The following GPATCH2 variants were observed in gnomAD, a reference collection of about 807,000 sequenced individuals.
The protein encoded by GPATCH2 is G-patch domain containing 2.
In GPATCH2, 51 loss-of-function variants were observed where a neutral mutation model predicts 58.0. The observed-to-expected ratio is 0.88, with a 90% CI of 0.70 to 1.11. GPATCH2 has a LOEUF of 1.11. Among genes scored for constraint, GPATCH2 ranks in the 50% most tolerant of loss-of-function variants. The pLI is 0.00. For synonymous variants in GPATCH2, 222 were observed against 218.5 expected (o/e 1.02, Z -0.14); for missense variants, 625 against 652.2 (o/e 0.96, Z 0.45).
intron 5 of GPATCH2, among the ~76,000 whole-genome samples, chr1:217,522,925 T>C (rs995053994): frequency 6.6e-6 from 1 of 151,810 alleles, no homozygotes; most frequent in Admixed American, 6.6e-5. Flanking sequence ...AGACTGAATT[T>C]AAAAACTTGA....
At chr1:217,617,365 C>G (rs1462747356) in intron 2 of GPATCH2, among the ~76,000 whole-genome samples, 1 of 152,176 alleles carries the variant, frequency 6.6e-6, no homozygotes, top group Non-Finnish European at 1.5e-5. Flanking sequence ...GTTCCCTTAG[C>G]AAGTCTTCCC....
intron 6 of GPATCH2, among the ~76,000 whole-genome samples, chr1:217,509,741 C>T (rs949067346): frequency 3.3e-5 from 5 of 152,084 alleles, no homozygotes; most frequent in East Asian, 1.9e-4. Flanking sequence ...TTGAGTGTAA[C>T]GCATTGTGAT....
Position 217,518,206 on chromosome 1 carries a change from T to C in GPATCH2, c.1099-3317A>G, listed in dbSNP as rs1284325396. Among the ~76,000 whole-genome samples the C allele has an allele frequency of 9.2e-5, 14 of 152,174 alleles. No homozygotes were observed. The East Asian group carries it at 2.7e-3, about 29-fold the overall frequency. On this transcript the variant is annotated intron_variant, in intron 5 of 9. Coordinates refer to ENST00000366935, the MANE Select transcript of GPATCH2 (RefSeq NM_018040.5). ...TGTGTCCTAATTCTAAAAGATCACA[T>C]GGATCTTAGATTTTGCTGTTGTTTA...
intron 8 of GPATCH2, among the ~76,000 whole-genome samples, chr1:217,466,466 C>CCCTCTG (rs1244845916): frequency 1.3e-5 from 2 of 152,098 alleles, no homozygotes; most frequent in Non-Finnish European, 2.9e-5. Flanking sequence ...CTCAAGCTAT[C>CCCTCTG]CCTCTGCCTC....
At chr1:217,603,769 C>T (rs1415949609) in intron 5 of GPATCH2, among the ~76,000 whole-genome samples, 1 of 151,888 alleles carries the variant, frequency 6.6e-6, no homozygotes, top group Non-Finnish European at 1.5e-5. Flanking sequence ...ATTACAGGCA[C>T]ATATCACCAT....
At chr1:217,449,044 G>C (rs1233312574) in intron 9 of GPATCH2, among the ~76,000 whole-genome samples, 1 of 151,468 alleles carries the variant, frequency 6.6e-6, no homozygotes, top group Non-Finnish European at 1.5e-5. Flanking sequence ...CATTTGGGCA[G>C]GGATGTAACA....
In GPATCH2 at chr1:217,491,738, T is replaced by C; in HGVS notation, c.1219A>G (p.Arg407Gly). 2.1e-6 allele frequency: 3 copies of C among 1,427,634 alleles called. No homozygotes were observed. Among genetic ancestry groups the C allele is most frequent in the South Asian group, 1.2e-5 (1 of 83,154 alleles). 88.4% of individuals were successfully genotyped at this position (1,427,634 alleles called of 1,614,324 possible). A position where few individuals can be genotyped will look rare whatever the true frequency, so the allele number is the denominator to read the frequency against. The change falls in exon 8 of 10, where the codon AGA (arginine) becomes GGA (glycine). Residue 407 changes from arginine (R) to glycine (G), a missense_variant. Transcript: ENST00000366935. ...TGTCCTCTTTCAGCTCGATTATCTCTCAGAAGCTGATGCTACACAAAGTGT... is the reference window on the plus strand; with the variant it reads ...TGTCCTCTTTCAGCTCGATTATCTCCCAGAAGCTGATGCTACACAAAGTGT... Reference protein sequence around the residue: ...RTEHDQHQLLRDNRAERGHKK... With the variant: ...RTEHDQHQLLGDNRAERGHKK...
intron 7 of GPATCH2, among the ~76,000 whole-genome samples, chr1:217,493,672 C>T (rs1420016830): frequency 2.0e-5 from 3 of 152,008 alleles, no homozygotes; most frequent in Admixed American, 1.3e-4. Flanking sequence ...AGAAACACTT[C>T]GTACCATGAA....
At chr1:217,592,151 C>T (rs964654933) in intron 5 of GPATCH2, among the ~76,000 whole-genome samples, 14 of 151,902 alleles carry the variant, frequency 9.2e-5, no homozygotes, top group Non-Finnish European at 2.9e-5. Context: ...AATTCTACTC[C>T]GTCTATTCTG....
intron 8 of GPATCH2, among the ~76,000 whole-genome samples, chr1:217,453,364 A>G (rs555312908): frequency 6.6e-6 from 1 of 152,358 alleles, no homozygotes; most frequent in South Asian, 2.1e-4. Context: ...GAGGAAGAGA[A>G]GGGAGACAAA....
chr1:217,515,215 C>G (rs1386645999), intron 5 of GPATCH2, among the ~76,000 whole-genome samples: 2 of 151,888 alleles, frequency 1.3e-5, no homozygotes, highest in Non-Finnish European at 2.9e-5. Flanking sequence ...CCTGTCTCAG[C>G]CTCCCCAGTA....
At chr1:217,603,974 A>C (rs1265533904) in intron 5 of GPATCH2, among the ~76,000 whole-genome samples, 2 of 152,108 alleles carry the variant, frequency 1.3e-5, no homozygotes, top group African/African-American at 4.8e-5. Context: ...TCTTTTGTAA[A>C]AGAAATATTT....
chr1:217,508,043 T>G (rs548910106), intron 6 of GPATCH2, among the ~76,000 whole-genome samples: 1 of 152,208 alleles, frequency 6.6e-6, no homozygotes, highest in Non-Finnish European at 1.5e-5. Flanking sequence ...TTAATAATAT[T>G]TCTGTATTTT....
intron 5 of GPATCH2, among the ~76,000 whole-genome samples, chr1:217,546,883 A>C (rs1665080596): frequency 1.3e-5 from 2 of 152,222 alleles, no homozygotes; most frequent in South Asian, 4.1e-4. Context: ...AGGAACTTAA[A>C]CAAATTTACA....
intron 5 of GPATCH2, chr1:217,608,291 T>A (rs1668456745): frequency 3.1e-6 from 3 of 977,190 alleles, no homozygotes; most frequent in Non-Finnish European, 2.4e-6. Context: ...CCCGAAGGAG[T>A]CCATTGTCTT....
rs568229664 is a variant in GPATCH2 at position 217,580,925 on chromosome 1, G to A, written c.1098+29396C>T. Among the ~76,000 whole-genome samples the A allele has an allele frequency of 5.2e-4, 37 of 71,354 alleles. 17 individuals are homozygous for A. In the East Asian group the frequency reaches 0.088, roughly 170 times the overall value. The allele number at this position is 71,354 out of a possible 152,430, so 46.8% of individuals were successfully genotyped here. ...GGGGAGGCTGAGGCAGGAGAATGGCGTTGAACCCGGGAAGCGGAGCTTGCA... is the reference window on the plus strand; with the variant it reads ...GGGGAGGCTGAGGCAGGAGAATGGCATTGAACCCGGGAAGCGGAGCTTGCA... On this transcript the variant is annotated intron_variant, in intron 5 of 9. Transcript: ENST00000366935.
intron 5 of GPATCH2, among the ~76,000 whole-genome samples, chr1:217,576,308 A>G (rs890227762): frequency 1.3e-5 from 2 of 152,182 alleles, no homozygotes; most frequent in East Asian, 3.8e-4. Context: ...ATTTAAAGTT[A>G]AAATATATTT....
chr1:217,449,731 C>CAGGAAA lies in GPATCH2; in HGVS notation c.1278-400_1278-395dup, dbSNP rs1438459890. Among the ~76,000 whole-genome samples the CAGGAAA allele has an allele frequency of 2.6e-5, 4 of 152,232 alleles. No individual in the cohort carries two copies. In the East Asian group the frequency reaches 7.7e-4, roughly 29 times the overall value. On this transcript the variant is annotated intron_variant, in intron 8 of 9. Transcript: ENST00000366935. ...TTTACTGTCAGAACAACATTTATTACAGGAAAAGTATGATCAATTTCTTTT... is the reference window on the plus strand; with the variant it reads ...TTTACTGTCAGAACAACATTTATTACAGGAAAAGGAAAAGTATGATCAATTTCTTTT...
chr1:217,586,387 CT>C (rs1005353348), intron 5 of GPATCH2, among the ~76,000 whole-genome samples: 8 of 151,180 alleles, frequency 5.3e-5, no homozygotes, highest in African/African-American at 1.9e-4. Flanking sequence ...ACTTTTAAAA[CT>C]TTTTGTTAAA....
Sources: gnomAD v4.1 joint callset for allele counts (sites outside exome capture counted in the v4.1 genomes callset) on GRCh38, gnomAD v4.1.1 for gene constraint, MANE v1.5 for transcripts, NCBI Gene and HGNC (gene_info 2026-07-23, HGNC 2026-07-21) for gene names.